Variants in BAALC observed in about 807,000 individuals in gnomAD.
The protein encoded by BAALC is BAALC binder of MAP3K1 and KLF4.
Under a neutral mutation model 15.5 loss-of-function variants are expected in BAALC, and 9 were observed. The observed-to-expected ratio is 0.58, with a 90% confidence interval of 0.35 to 1.02. The LOEUF is 1.02. Among genes scored for constraint, BAALC ranks in the 50% least tolerant of loss-of-function variants. The pLI, the probability that BAALC is intolerant of heterozygous loss-of-function variation, is 0.02. For synonymous variants in BAALC, 80 were observed against 74.6 expected, an observed-to-expected ratio of 1.07 and a Z score of -0.37; for missense variants, 201 against 192.4, an observed-to-expected ratio of 1.04 and a Z score of -0.27.
intron 1 of BAALC, among the ~76,000 whole-genome samples, chr8:103,152,842 G>A (rs1244083094): frequency 6.6e-6 from 1 of 152,176 alleles, no homozygotes; most frequent in Non-Finnish European, 1.5e-5. Context: ...CTTAGTGTGT[G>A]GATTTCATCC....
At chr8:103,211,215 C>G (rs898296784) in intron 1 of BAALC, among the ~76,000 whole-genome samples, 15 of 152,284 alleles carry the variant, frequency 9.9e-5, no homozygotes, top group Admixed American at 8.5e-4. Flanking sequence ...TCTCTAGCCT[C>G]TCATCTACAA....
At chr8:103,162,194 T>C (rs1418586668) in intron 1 of BAALC, among the ~76,000 whole-genome samples, 1 of 152,174 alleles carries the variant, frequency 6.6e-6, no homozygotes, top group Non-Finnish European at 1.5e-5. Flanking sequence ...ACTCCTGGGC[T>C]GAAGCAATTC....
chr8:103,221,847 A>C (rs1476882187), intron 2 of BAALC, among the ~76,000 whole-genome samples: 1 of 152,248 alleles, frequency 6.6e-6, no homozygotes, highest in Non-Finnish European at 1.5e-5. Flanking sequence ...TCTGAACCAA[A>C]TATGAGTGAC....
intron 1 of BAALC, among the ~76,000 whole-genome samples, chr8:103,149,655 TA>T (rs1433790590): frequency 1.3e-5 from 2 of 152,140 alleles, no homozygotes; most frequent in African/African-American, 4.8e-5. Flanking sequence ...CAAGAAAAAT[TA>T]TATTTGTTCA....
At position 103,194,847 on chromosome 8, in the gene BAALC, C is replaced by T. The variant is rs578120254; in HGVS notation, c.161-18072C>T. The stretch of plus-strand genomic sequence containing the variant: ...TGGTGGAAGAGCAAAAAATGGCCTA[C>T]GCTAGTTTCCTTCGGCCCATTTATA... On this transcript the variant is annotated intron_variant, in intron 1 of 2. Transcript: ENST00000309982. Among the ~76,000 whole-genome samples, 11 of 152,230 alleles carry T rather than the reference C, an allele frequency of 7.2e-5. No individual in the cohort carries two copies. In the South Asian group the frequency reaches 8.3e-4, roughly 11 times the overall value.
In BAALC at chr8:103,223,180, C is replaced by T. The variant is rs370226394; in HGVS notation, c.328-4809C>T. On this transcript the variant is annotated intron_variant, in intron 2 of 2. Transcript: ENST00000309982. ...ACAAAAATTAGCTAGGTGTGGTGCACGCCTGTAGTCCCAGCTACTCGGGAG... is the reference window on the plus strand; with the variant it reads ...ACAAAAATTAGCTAGGTGTGGTGCATGCCTGTAGTCCCAGCTACTCGGGAG... Among the ~76,000 whole-genome samples the T allele has an allele frequency of 2.7e-4, 41 of 152,098 alleles. No individual in the cohort carries two copies. The South Asian group carries it at 7.3e-3, about 27-fold the overall frequency.
Position 103,212,923 on chromosome 8 carries a change from G to A in BAALC, c.165G>A (p.Met55Ile), listed in dbSNP as rs985343287. 4 of 1,612,336 alleles carry A rather than the reference G, an allele frequency of 2.5e-6. No individual in the cohort carries two copies. Among genetic ancestry groups the A allele is most frequent in the Non-Finnish European group, 3.4e-6 (4 of 1,178,932 alleles). ...TCCTCTGCTTACCTCCCCCAGGCATGCTGGAAGATGGACTGCCCTCCAATG... is the reference window on the plus strand; with the variant it reads ...TCCTCTGCTTACCTCCCCCAGGCATACTGGAAGATGGACTGCCCTCCAATG... ...GPEAGGLHSG[M>I]LEDGLPSNGV... Residue 55 changes from methionine (M) to isoleucine (I), a missense_variant, in exon 2 of 3, where the codon ATG becomes ATA. Transcript: ENST00000309982.
At chr8:103,155,606 T>C (rs1318632772) in intron 1 of BAALC, among the ~76,000 whole-genome samples, 1 of 152,220 alleles carries the variant, frequency 6.6e-6, no homozygotes, top group Non-Finnish European at 1.5e-5. Flanking sequence ...TGTGATCCTT[T>C]AGCGGCTAAC....
At chr8:103,181,868 A>G (rs1811737572) in intron 1 of BAALC, among the ~76,000 whole-genome samples, 1 of 152,196 alleles carries the variant, frequency 6.6e-6, no homozygotes, top group South Asian at 2.1e-4. Flanking sequence ...AACCAAAGTT[A>G]AGAACTCCAA....
chr8:103,144,852 T>C (rs560199390), intron 1 of BAALC, among the ~76,000 whole-genome samples: 1 of 152,330 alleles, frequency 6.6e-6, no homozygotes, highest in South Asian at 2.1e-4. Flanking sequence ...CCATTACCCA[T>C]CATTTATTAA....
chr8:103,180,802 T>C (rs185601319), intron 1 of BAALC, among the ~76,000 whole-genome samples: 1 of 152,196 alleles, frequency 6.6e-6, no homozygotes, highest in African/African-American at 2.4e-5. Context: ...ATAGATAGGA[T>C]TGAAAATGAA....
chr8:103,159,735 TA>T lies in BAALC; in HGVS notation c.160+18679del, dbSNP rs576530174. Among the ~76,000 whole-genome samples, 39 of 152,332 alleles carry T rather than the reference TA, an allele frequency of 2.6e-4. No individual in the cohort carries two copies. In the South Asian group the frequency reaches 8.1e-3, roughly 32 times the overall value. Reference sequence around the variant, plus strand: ...GGCTTTCTGGTATGGTATGTTTTTCTAGGCTTATTATTATTTCTAGGCTTAT... The same window carrying T: ...GGCTTTCTGGTATGGTATGTTTTTCTGGCTTATTATTATTTCTAGGCTTAT... On this transcript the variant is annotated intron_variant, in intron 1 of 2. Coordinates refer to ENST00000309982, the MANE Select transcript of BAALC (RefSeq NM_024812.3).
intron 1 of BAALC, among the ~76,000 whole-genome samples, chr8:103,206,855 T>C (rs80251591): frequency 0.017 from 2,540 of 152,210 alleles, 68 homozygotes; most frequent in African/African-American, 0.059. Flanking sequence ...CTCAGCCTGA[T>C]CCTATGGGTC....
intron 1 of BAALC, among the ~76,000 whole-genome samples, chr8:103,150,338 T>G (rs1426109833): frequency 7.8e-6 from 1 of 128,874 alleles, no homozygotes; most frequent in Non-Finnish European, 1.7e-5. Context: ...CATGGCTGTG[T>G]GTGTGTGTGT....
intron 1 of BAALC, among the ~76,000 whole-genome samples, chr8:103,162,346 TAAAAGCAAAAAGTTG>T (rs895365989): frequency 6.6e-6 from 1 of 152,186 alleles, no homozygotes; most frequent in Non-Finnish European, 1.5e-5. Context: ...GCAAAAAGTC[TAAAAGCAAAAAGTTG>T]AAAAGCAAAA....
chr8:103,182,526 C>T (rs1226871598), intron 1 of BAALC, among the ~76,000 whole-genome samples: 2 of 152,180 alleles, frequency 1.3e-5, no homozygotes, highest in African/African-American at 2.4e-5. Flanking sequence ...TAACAAGACT[C>T]ACACTGTCTT....
At chr8:103,226,269 G>A (rs978646137) in intron 2 of BAALC, among the ~76,000 whole-genome samples, 2 of 152,228 alleles carry the variant, frequency 1.3e-5, no homozygotes, top group South Asian at 2.1e-4. Context: ...CAGCTTCAGC[G>A]ACCCCTGCTC....
intron 1 of BAALC, chr8:103,200,708 G>A (rs1812195687): frequency 1.4e-6 from 1 of 700,638 alleles, no homozygotes; most frequent in Admixed American, 2.0e-5. Context: ...TTCAGTGTCT[G>A]ATGAAGGCTT....
chr8:103,205,123 C>T (rs1474469667), intron 1 of BAALC, among the ~76,000 whole-genome samples: 1 of 152,202 alleles, frequency 6.6e-6, no homozygotes. Flanking sequence ...GACCAACTCT[C>T]TGTGACCACC....
Sources: allele counts gnomAD v4.1 joint callset (sites outside exome capture counted in the v4.1 genomes callset), GRCh38; gene constraint gnomAD v4.1.1; transcripts MANE v1.5; gene names NCBI Gene and HGNC (gene_info 2026-07-23, HGNC 2026-07-21).